DENND2B: variants seen among roughly 807,000 people sequenced by gnomAD.
The protein encoded by DENND2B is DENN domain-containing protein 2B.
Under a neutral mutation model 116.0 loss-of-function variants are expected in DENND2B, and 32 were observed. The observed-to-expected ratio is 0.28, with a 90% confidence interval of 0.21 to 0.37. The LOEUF is 0.37. Among genes scored for constraint, DENND2B ranks in the 10% least tolerant of loss-of-function variants. DENND2B has a pLI of 1.00. For synonymous variants in DENND2B, 588 were observed against 583.9 expected (o/e 1.01, Z -0.10); for missense variants, 1,276 against 1,477.7 (o/e 0.86, Z 2.24).
chr11:8,765,288 G>A (rs148931551), intron 1 of DENND2B, among the ~76,000 whole-genome samples: 442 of 152,298 alleles, frequency 2.9e-3, no homozygotes, highest in Non-Finnish European at 5.0e-3. Flanking sequence ...TTTAAACAGA[G>A]CAAGTGCTAC....
At chr11:8,810,112 GT>G (rs1427558305) in intron 1 of DENND2B, 3 of 147,488 alleles carry the variant, frequency 2.0e-5, no homozygotes, top group Admixed American at 1.4e-4. Context: ...AAAACAGACA[GT>G]GTTCACTAGG....
At chr11:8,848,666 T>C (rs1235126301) in intron 3 of DENND2B, among the ~76,000 whole-genome samples, 1 of 152,142 alleles carries the variant, frequency 6.6e-6, no homozygotes, top group African/African-American at 2.4e-5. Context: ...AAAGATAAAA[T>C]TGGCAAAATG....
chr11:8,790,967 G>A (rs1015457668), intron 1 of DENND2B, among the ~76,000 whole-genome samples: 17 of 152,174 alleles, frequency 1.1e-4, no homozygotes, highest in Non-Finnish European at 8.8e-5. Context: ...GACCTGACTA[G>A]CTTAGTGTCT....
intron 1 of DENND2B, among the ~76,000 whole-genome samples, chr11:8,778,683 T>C (rs190384028): frequency 6.6e-6 from 1 of 152,238 alleles, no homozygotes; most frequent in African/African-American, 2.4e-5. Context: ...GGAGGCATGG[T>C]GCCAGTTTGG....
At chr11:8,860,541 A>G (rs1483855670) in intron 2 of DENND2B, among the ~76,000 whole-genome samples, 6 of 152,304 alleles carry the variant, frequency 3.9e-5, no homozygotes, top group African/African-American at 1.4e-4. Flanking sequence ...AAGAAACCAC[A>G]GGTGACACAA....
intron 1 of DENND2B, among the ~76,000 whole-genome samples, chr11:8,783,220 A>AT (rs2058573507): frequency 6.6e-6 from 1 of 151,960 alleles, no homozygotes; most frequent in Non-Finnish European, 1.5e-5. Context: ...ACACCAGCTA[A>AT]TTTTTTACTT....
chr11:8,903,819 G>A (rs1208842660), intron 1 of DENND2B, among the ~76,000 whole-genome samples: 1 of 144,826 alleles, frequency 6.9e-6, no homozygotes, highest in East Asian at 2.2e-4. Context: ...AGCCCAGGGA[G>A]TTGAGGCTGT....
chr11:8,755,102 C>A (rs990641814), intron 1 of DENND2B, among the ~76,000 whole-genome samples: 2 of 152,184 alleles, frequency 1.3e-5, no homozygotes, highest in East Asian at 3.8e-4. Flanking sequence ...AGTGACAACA[C>A]AAACGACACA....
At chr11:8,833,295 G>C (rs765450051) in intron 4 of DENND2B, among the ~76,000 whole-genome samples, 2 of 152,198 alleles carry the variant, frequency 1.3e-5, no homozygotes, top group Admixed American at 1.3e-4. Flanking sequence ...AACACAGAAA[G>C]AGTTATTAAA....
At chr11:8,801,805 A>G (rs542474634) in intron 1 of DENND2B, among the ~76,000 whole-genome samples, 7 of 151,738 alleles carry the variant, frequency 4.6e-5, no homozygotes, top group Non-Finnish European at 1.0e-4. Flanking sequence ...GTTCGAGACC[A>G]GCCTGGGCAA....
rs1269997399 is a variant in DENND2B at position 8,883,567 on chromosome 11, A to C, written c.-255-2458T>G. ...GTTAAGATATAAGCACAAACATCTC[A>C]TAAGTGTTTTAAAACCATCCAATTG... On this transcript the variant is annotated intron_variant, in intron 1 of 22. Transcript: ENST00000534127. Among the ~76,000 whole-genome samples the C allele has an allele frequency of 4.6e-5, 7 of 152,148 alleles. 1 individual carries two copies. In the South Asian group the frequency reaches 1.5e-3, roughly 32 times the overall value.
At chr11:8,802,629 G>A (rs768362223) in intron 1 of DENND2B, among the ~76,000 whole-genome samples, 13 of 152,254 alleles carry the variant, frequency 8.5e-5, no homozygotes, top group East Asian at 3.9e-4. Flanking sequence ...ACAGATTTGC[G>A]TCTGGGCACT....
intron 2 of DENND2B, among the ~76,000 whole-genome samples, chr11:8,749,850 T>G (rs550129889): frequency 6.6e-6 from 1 of 152,312 alleles, no homozygotes; most frequent in Non-Finnish European, 1.5e-5. Context: ...GACTAAAGGT[T>G]CTTTTAAGAT....
intron 1 of DENND2B, among the ~76,000 whole-genome samples, chr11:8,780,857 T>G (rs2058301082): frequency 2.0e-5 from 3 of 152,060 alleles, no homozygotes. Context: ...AAGCAGCAAG[T>G]GCAGGATGAG....
intron 2 of DENND2B, among the ~76,000 whole-genome samples, chr11:8,864,279 T>C (rs978031742): frequency 2.0e-5 from 3 of 152,160 alleles, no homozygotes; most frequent in Admixed American, 6.5e-5. Context: ...GTTGTTGTTG[T>C]TATTTTCACT....
At chr11:8,826,846 G>A (rs2061996818) in intron 4 of DENND2B, among the ~76,000 whole-genome samples, 1 of 152,182 alleles carries the variant, frequency 6.6e-6, no homozygotes, top group Non-Finnish European at 1.5e-5. Context: ...AGGTCCTTAT[G>A]AATGTTCATT....
chr11:8,787,735 T>C (rs938777156), intron 1 of DENND2B, among the ~76,000 whole-genome samples: 10 of 152,206 alleles, frequency 6.6e-5, no homozygotes, highest in Non-Finnish European at 1.5e-4. Flanking sequence ...GGCCTTCTTT[T>C]CTCTCAACTC....
chr11:8,891,428 T>C (rs1017629881), intron 1 of DENND2B, among the ~76,000 whole-genome samples: 2 of 152,166 alleles, frequency 1.3e-5, no homozygotes. Context: ...ATGTGCCAAT[T>C]AAAAGACACA....
At chr11:8,907,667 T>C (rs1232063695) in intron 1 of DENND2B, among the ~76,000 whole-genome samples, 4 of 152,172 alleles carry the variant, frequency 2.6e-5, no homozygotes, top group Non-Finnish European at 4.4e-5. Flanking sequence ...TTAAAGTTCA[T>C]GTAGGTAGGT....
Sources: gnomAD v4.1 joint callset for allele counts (sites outside exome capture counted in the v4.1 genomes callset) on GRCh38, gnomAD v4.1.1 for gene constraint, MANE v1.5 for transcripts, NCBI Gene and HGNC (gene_info 2026-07-23, HGNC 2026-07-21) for gene names.